ERC2: variants seen among roughly 807,000 people sequenced by gnomAD.
ERC2 encodes ELKS/RAB6-interacting/CAST family member 2.
A neutral mutation model predicts 114.8 loss-of-function variants in ERC2; 42 were observed. The ratio of observed to expected loss-of-function variants is 0.37; its 90% CI spans 0.29 to 0.47. The LOEUF (loss-of-function observed/expected upper bound fraction) is 0.47. Among genes scored for constraint, ERC2 ranks in the 20% least tolerant of loss-of-function variants. ERC2 has a pLI of 0.99. For missense variants in ERC2, 939 were observed against 1,150.7 expected (o/e 0.82, Z 2.66); for synonymous variants, 454 against 425.5 (o/e 1.07, Z -0.82).
At chr3:56,381,544 C>CT (rs748002551) in intron 2 of ERC2, among the ~76,000 whole-genome samples, 31 of 152,000 alleles carry the variant, frequency 2.0e-4, no homozygotes, top group Non-Finnish European at 4.0e-4. Context: ...TTGTAATTTA[C>CT]TTTTAAAAAA....
chr3:56,188,058 G>C lies in ERC2; in HGVS notation c.1075-14538C>G, dbSNP rs142783471. Among the ~76,000 whole-genome samples, 508 of 152,240 alleles carry C rather than the reference G, an allele frequency of 3.3e-3. 1 individual carries two copies. Among genetic ancestry groups the C allele is most frequent in the African/African-American group, 0.012 (486 of 41,536 alleles). ...AGAAGTGGATTTGCTCTGATTAATA[G>C]GGTGACAGGGGGAGGAAAGGGCCTG... is the stretch of plus-strand genomic sequence containing the variant. On this transcript the variant is annotated intron_variant, in intron 3 of 17. Coordinates refer to ENST00000288221, the MANE Select transcript of ERC2 (RefSeq NM_015576.3).
intron 15 of ERC2, among the ~76,000 whole-genome samples, chr3:55,716,923 T>A (rs747013359): frequency 1.3e-5 from 2 of 152,152 alleles, no homozygotes; most frequent in African/African-American, 2.4e-5. Flanking sequence ...ATTCCCACAT[T>A]TAGGGGTTAC....
At chr3:56,325,464 C>A (rs2057319053) in intron 2 of ERC2, among the ~76,000 whole-genome samples, 1 of 151,670 alleles carries the variant, frequency 6.6e-6, no homozygotes. Context: ...AAAAAAAAAA[C>A]ACTATATACC....
intron 14 of ERC2, among the ~76,000 whole-genome samples, chr3:55,810,465 C>CTTTTTTT (rs11318195): frequency 2.0e-5 from 3 of 146,422 alleles, no homozygotes; most frequent in African/African-American, 7.6e-5. Context: ...CTCTCTCCCT[C>CTTTTTTT]TTTTTTTTTT....
chr3:55,832,803 C>T (rs1004743549), intron 14 of ERC2, among the ~76,000 whole-genome samples: 17 of 152,178 alleles, frequency 1.1e-4, no homozygotes, highest in Non-Finnish European at 2.2e-4. Flanking sequence ...GACGATCAAA[C>T]TACTCTGAGC....
At chr3:55,641,255 A>G (rs1486454388) in intron 17 of ERC2, among the ~76,000 whole-genome samples, 1 of 152,198 alleles carries the variant, frequency 6.6e-6, no homozygotes, top group Non-Finnish European at 1.5e-5. Context: ...TTTCAGATAT[A>G]AGAGCCAATA....
chr3:56,200,668 A>C (rs2048356134), intron 3 of ERC2, among the ~76,000 whole-genome samples: 1 of 152,204 alleles, frequency 6.6e-6, no homozygotes, highest in Non-Finnish European at 1.5e-5. Context: ...CTTGAGGAGA[A>C]TACTCCATAG....
chr3:55,601,467 T>A (rs764783014), intron 17 of ERC2, among the ~76,000 whole-genome samples: 4 of 152,244 alleles, frequency 2.6e-5, no homozygotes, highest in Non-Finnish European at 4.4e-5. Context: ...CTACTCAGAC[T>A]GCCCTGAAGT....
chr3:56,038,587 A>T (rs1366984070), intron 7 of ERC2, among the ~76,000 whole-genome samples: 1 of 152,224 alleles, frequency 6.6e-6, no homozygotes, highest in African/African-American at 2.4e-5. Flanking sequence ...CACTGGTTAT[A>T]TACCCAAAGG....
chr3:56,465,008 A>C (rs979325133), intron 1 of ERC2, among the ~76,000 whole-genome samples: 3 of 152,186 alleles, frequency 2.0e-5, no homozygotes, highest in African/African-American at 7.2e-5. Context: ...CATTCACCTT[A>C]TTTTTCAGGA....
intron 17 of ERC2, among the ~76,000 whole-genome samples, chr3:55,585,322 G>A (rs2057543163): frequency 6.6e-6 from 1 of 152,100 alleles, no homozygotes; most frequent in African/African-American, 2.4e-5. Flanking sequence ...TAGGGCTCAG[G>A]GTTTTTATAC....
chr3:56,278,498 A>G (rs539852050), intron 3 of ERC2, among the ~76,000 whole-genome samples: 2 of 152,362 alleles, frequency 1.3e-5, no homozygotes, highest in East Asian at 3.9e-4. Context: ...TGGAATGGCA[A>G]TAAAAGAACA....
chr3:56,197,426 C>T (rs939303528), intron 3 of ERC2, among the ~76,000 whole-genome samples: 1 of 152,172 alleles, frequency 6.6e-6, no homozygotes, highest in Non-Finnish European at 1.5e-5. Context: ...ATAGGCCAAG[C>T]CTGGAGGTGG....
At chr3:55,651,014 A>ATTTTT (rs71096493) in intron 17 of ERC2, among the ~76,000 whole-genome samples, 58 of 96,304 alleles carry the variant, frequency 6.0e-4, no homozygotes, top group South Asian at 1.1e-3. Flanking sequence ...CACCCAGCTA[A>ATTTTT]TTTTTTTTTT....
chr3:55,633,355 A>G (rs1398944370), intron 17 of ERC2, among the ~76,000 whole-genome samples: 1 of 152,242 alleles, frequency 6.6e-6, no homozygotes, highest in Non-Finnish European at 1.5e-5. Context: ...GTGGGCTTTA[A>G]GAACACTAGG....
intron 7 of ERC2, among the ~76,000 whole-genome samples, chr3:56,073,257 A>T (rs1001992975): frequency 1.3e-5 from 2 of 152,178 alleles, no homozygotes; most frequent in Admixed American, 1.3e-4. Context: ...GAGAACCAAG[A>T]TCAGTAGTGA....
chr3:56,379,093 A>G (rs2106694171), intron 2 of ERC2, among the ~76,000 whole-genome samples: 1 of 152,324 alleles, frequency 6.6e-6, no homozygotes, highest in Admixed American at 6.5e-5. Flanking sequence ...TTGTTGTATT[A>G]AATCTTTTAA....
intron 17 of ERC2, among the ~76,000 whole-genome samples, chr3:55,674,944 T>C (rs1317277811): frequency 6.6e-6 from 1 of 152,094 alleles, no homozygotes; most frequent in Non-Finnish European, 1.5e-5. Context: ...CTGAAAGAAA[T>C]GGCAAGGAGT....
intron 12 of ERC2, among the ~76,000 whole-genome samples, chr3:55,979,552 G>GA (rs1489908376): frequency 1.3e-5 from 2 of 152,226 alleles, no homozygotes; most frequent in African/African-American, 4.8e-5. Context: ...ACCTTTCACT[G>GA]AAAAAAGTTA....
Sources: allele counts gnomAD v4.1 joint callset (sites outside exome capture counted in the v4.1 genomes callset), GRCh38; gene constraint gnomAD v4.1.1; transcripts MANE v1.5; gene names NCBI Gene and HGNC (gene_info 2026-07-23, HGNC 2026-07-21).